ERN2: variants seen among roughly 807,000 people sequenced by gnomAD.
ERN2 encodes endoplasmic reticulum to nucleus signaling 2, also known as serine/threonine-protein kinase/endoribonuclease IRE2.
A neutral mutation model predicts 107.9 loss-of-function variants in ERN2; 111 were observed. The ratio of observed to expected loss-of-function variants is 1.03; its 90% CI spans 0.88 to 1.20. The LOEUF (loss-of-function observed/expected upper bound fraction) is 1.20. ERN2 is among the 50% of genes most tolerant of loss of function. ERN2 has a pLI of 0.00. For synonymous variants in ERN2, 524 were observed against 501.7 expected, an observed-to-expected ratio of 1.04 and a Z score of -0.59; for missense variants, 1,225 against 1,197.9, an observed-to-expected ratio of 1.02 and a Z score of -0.33.
chr16:23,696,630 T>G (rs531280190), intron 13 of ERN2: 1 of 152,160 alleles, frequency 6.6e-6, no homozygotes, highest in South Asian at 2.1e-4. Context: ...TTAGGATGGG[T>G]GGGGTCGGCT....
At chr16:23,703,700 C>T (rs1313479994) in intron 8 of ERN2, among the ~76,000 whole-genome samples, 2 of 152,230 alleles carry the variant, frequency 1.3e-5, no homozygotes, top group African/African-American at 2.4e-5. Context: ...TCAGGCTCTA[C>T]TCCTTTCTCA....
chr16:23,693,353 G>A (rs1959676112), intron 17 of ERN2, among the ~76,000 whole-genome samples: 1 of 152,132 alleles, frequency 6.6e-6, no homozygotes, highest in African/African-American at 2.4e-5. Flanking sequence ...TTGGGAGGCC[G>A]AGGTAGGTGA....
rs1021208333 is a variant in ERN2 at position 23,691,902 on chromosome 16, C to G, written c.2376+61G>C. 6.4e-6 allele frequency: 10 copies of G among 1,570,600 alleles called. No individual in the cohort carries two copies. The African/African-American group carries it at 1.4e-4, about 22-fold the overall frequency. On this transcript the variant is annotated intron_variant, in intron 19 of 21. Transcript: ENST00000256797. ...CCTCAGCTAATCTAATATCCCATTT[C>G]TTATTGCCCAGGACCCAAACTTAGG...
At chr16:23,702,040 A>G in intron 11 of ERN2, 112 bp downstream of exon 11, 1 of 1,163,416 alleles carries the variant, frequency 8.6e-7, no homozygotes, top group Non-Finnish European at 1.2e-6. Flanking sequence ...TGTGAGGTCA[A>G]TTGACCCACC....
Position 23,704,991 on chromosome 16 carries a change from G to A in ERN2, c.746C>T (p.Ala249Val). 4 of 1,614,042 alleles carry A rather than the reference G, an allele frequency of 2.5e-6. No individual in the cohort carries two copies. The highest frequency in any genetic ancestry group is 3.4e-6 in the Non-Finnish European group (4 of 1,180,020). The change falls in exon 8 of 22, where the codon GCT becomes GTT. Residue 249 changes from alanine to valine, a missense_variant. Transcript: ENST00000256797. ...GGCGAGGAAATGCAGAGTGTCTCGA[G>A]CCAGCGTGAGATGCGGCAGCTGGCG... ...GLRQLPHLTL[A>V]RDTLHFLALR...
At chr16:23,695,722 CAAAAAAAA>C (rs57103138) in intron 14 of ERN2, among the ~76,000 whole-genome samples, 164 bp downstream of exon 14, 8 of 37,388 alleles carry the variant, frequency 2.1e-4, no homozygotes, top group Middle Eastern at 0.029. Flanking sequence ...GAGCAAGACT[CAAAAAAAA>C]AAAAAAAAAA....
chr16:23,702,821 A>G (rs888887641), intron 8 of ERN2, 119 bp from the exon 9 acceptor site: 1 of 859,466 alleles, frequency 1.2e-6, no homozygotes, highest in Non-Finnish European at 1.9e-6. Flanking sequence ...TAGCCATGAG[A>G]CTTGCTTTAA....
rs1026487875 is a variant in ERN2, at chr16:23,706,409, G to C, written c.510C>G (p.Asp170Glu). 1 of 1,573,254 alleles carries C rather than the reference G, an allele frequency of 6.4e-7. No homozygotes were observed. The highest frequency in any genetic ancestry group is 8.6e-7 in the Non-Finnish European group (1 of 1,158,588). Residue 170 changes from aspartate to glutamate, a missense_variant, in exon 7 of 22, where the codon GAC becomes GAG. Asp to Glu is a conservative substitution (Grantham distance 45). Coordinates refer to ENST00000256797, the MANE Select transcript of ERN2 (RefSeq NM_033266.4). ...TCCAGCGCAGGGCTGGGGCTCTTGG[G>C]TCATGCATGGTGACCGTATACTCTG... is the stretch of plus-strand genomic sequence containing the variant. ...GRTQYTVTMH[D>E]PRAPALRWNT...
intron 17 of ERN2, 28 bp downstream of exon 17, chr16:23,694,700 G>A: frequency 6.4e-7 from 1 of 1,565,206 alleles, no homozygotes; most frequent in Non-Finnish European, 8.6e-7. Context: ...GCAGCTGTGT[G>A]CCTGGAGGAC....
At chr16:23,696,028 G>T (rs374016890) in intron 13 of ERN2, 50 bp from the exon 14 acceptor site, 2 of 1,388,066 alleles carry the variant, frequency 1.4e-6, no homozygotes, top group East Asian at 2.3e-5. Context: ...CACCTTTGCC[G>T]GCCACTGGCC....
intron 4 of ERN2, among the ~76,000 whole-genome samples, chr16:23,708,359 T>C (rs1253697461): frequency 2.1e-5 from 3 of 141,866 alleles, no homozygotes; most frequent in African/African-American, 8.0e-5. Context: ...TTTTTTTTTT[T>C]TTTTTTTTTT....
Position 23,702,441 on chromosome 16 carries a change from C to G in ERN2, c.1030G>C (p.Val344Leu). Residue 344 changes from valine to leucine, a missense_variant, in exon 10 of 22, where the codon GTT becomes CTT. Val to Leu is a conservative substitution (Grantham distance 32). Transcript: ENST00000256797. ...GCCACACTGCCTGAGGGGTATCTAA[C>G]AGCAGTGCTGGGTGAGCCCTCTCGC... ...GEREGSPSTA[V>L]RYPSGSVALP... is the part of the protein sequence containing the mutation. 1.2e-6 allele frequency: 2 copies of G among 1,613,640 alleles called. No homozygotes were observed. Among genetic ancestry groups the G allele is most frequent in the Non-Finnish European group, 1.7e-6 (2 of 1,180,036 alleles).
At chr16:23,703,915 T>C (rs1443539846) in intron 8 of ERN2, among the ~76,000 whole-genome samples, 4 of 152,170 alleles carry the variant, frequency 2.6e-5, no homozygotes, top group Non-Finnish European at 4.4e-5. Context: ...TTTCATCTCA[T>C]CCTTTATCAT....
intron 4 of ERN2, among the ~76,000 whole-genome samples, chr16:23,708,107 G>A (rs922697331): frequency 2.0e-5 from 3 of 152,160 alleles, no homozygotes; most frequent in Admixed American, 6.6e-5. Context: ...GTCCCATCGG[G>A]TGGTGCTCTC....
intron 7 of ERN2, 177 bp downstream of exon 7, chr16:23,706,153 T>A: frequency 3.6e-6 from 2 of 555,476 alleles, no homozygotes; most frequent in Non-Finnish European, 6.3e-6. Flanking sequence ...AGGGTCAGTC[T>A]GGGTGTTGAG....
Position 23,704,922 on chromosome 16 carries a change from T to C in ERN2, c.815A>G (p.Asp272Gly). ...HIRLPASGPR[D>G]TATLFSTLDT... ...CAAGGTAGAGAAGAGGGTGGCTGTGTCCCGGGGGCCTGAGGCAGGCAGTCG... is the reference window on the plus strand; with the variant it reads ...CAAGGTAGAGAAGAGGGTGGCTGTGCCCCGGGGGCCTGAGGCAGGCAGTCG... Residue 272 changes from aspartate (D) to glycine (G), a missense_variant, in exon 8 of 22, where the codon GAC becomes GGC. Asp to Gly is a moderately conservative substitution (Grantham distance 94). Coordinates refer to ENST00000256797, the MANE Select transcript of ERN2 (RefSeq NM_033266.4). 6.2e-7 allele frequency: 1 copy of C among 1,613,028 alleles called. No homozygotes were observed. The highest frequency in any genetic ancestry group is 8.5e-7 in the Non-Finnish European group (1 of 1,180,012).
At position 23,706,310 on chromosome 16, in the gene ERN2, C is replaced by A; in HGVS notation, c.589+20G>T. The A allele has an allele frequency of 6.8e-7, 1 of 1,466,854 alleles. No homozygotes were observed. The highest frequency in any genetic ancestry group is 9.1e-7 in the Non-Finnish European group (1 of 1,098,028). 90.9% of individuals were successfully genotyped at this position (1,466,854 alleles called of 1,614,324 possible). A position where few individuals can be genotyped will look rare whatever the true frequency, so the allele number is the denominator to read the frequency against. On this transcript the variant is annotated intron_variant, in intron 7 of 21. Coordinates refer to ENST00000256797, the MANE Select transcript of ERN2 (RefSeq NM_033266.4). ...TGGGGACCTTGCTCCAAGATGGGAC[C>A]AGAGAAAGGTGGAACTCACATTTCC...
In ERN2 at chr16:23,690,703, A is replaced by T; in HGVS notation, c.*128T>A. 1 of 732,770 alleles carries T rather than the reference A, an allele frequency of 1.4e-6. No individual in the cohort carries two copies. The highest frequency in any genetic ancestry group is 2.3e-6 in the Non-Finnish European group (1 of 439,566). The allele number at this position is 732,770 out of a possible 1,614,324, so 45.4% of individuals were successfully genotyped here. A position where few individuals can be genotyped will look rare whatever the true frequency, so the allele number is the denominator to read the frequency against. ...ACTCCTGAGCTCAAGTGATCCTCTC[A>T]CTCAGCCTCCCAAAATGCTGGGATT... On this transcript the variant is annotated 3_prime_UTR_variant, in exon 22 of 22. Transcript: ENST00000256797.
intron 1 of ERN2, chr16:23,712,824 A>G: frequency 4.5e-6 from 2 of 444,710 alleles, no homozygotes; most frequent in Non-Finnish European, 3.9e-6. Flanking sequence ...ACCCCAGACT[A>G]CACCTCTCCC....
Sources: gnomAD v4.1 joint callset for allele counts (sites outside exome capture counted in the v4.1 genomes callset) on GRCh38, gnomAD v4.1.1 for gene constraint, MANE v1.5 for transcripts, NCBI Gene and HGNC (gene_info 2026-07-23, HGNC 2026-07-21) for gene names.